Variants in DDX42 observed in about 807,000 individuals in gnomAD.
The protein encoded by DDX42 is DEAD-box helicase 42.
DDX42 carries 22 observed loss-of-function variants against 101.5 expected under a neutral mutation model. The ratio of observed to expected loss-of-function variants is 0.22; its 90% confidence interval spans 0.15 to 0.31. The LOEUF (loss-of-function observed/expected upper bound fraction) is 0.31. DDX42 is among the 10% of genes least tolerant of loss of function. The pLI, the probability that DDX42 is intolerant of heterozygous loss-of-function variation, is 1.00. For synonymous variants in DDX42, 402 were observed against 401.2 expected (o/e 1.00, Z -0.02); for missense variants, 849 against 1,199.9 (o/e 0.71, Z 4.32).
chr17:63,812,062 A>G lies in DDX42; in HGVS notation c.1529A>G (p.Asn510Ser), dbSNP rs2039916935. The G allele has an allele frequency of 1.2e-6, 2 of 1,614,246 alleles. No individual in the cohort carries two copies. The highest frequency in any genetic ancestry group is 1.7e-6 in the Non-Finnish European group (2 of 1,180,050). Residue 510 changes from asparagine (N) to serine (S), a missense_variant, in exon 14 of 18, where the codon AAT becomes AGT. Physicochemically the swap from Asn to Ser is conservative, Grantham distance 46 (BLOSUM62 1). Coordinates refer to ENST00000389924, the MANE Select transcript of DDX42 (RefSeq NM_203499.3). ...SVLLFVTKKA[N>S]AEELANNLKQ... ...CTCCTCTTTGTTACTAAAAAAGCCA[A>G]TGCTGAAGAGCTAGCGAATAACCTT...
At chr17:63,781,905 G>A (rs1480413007) in intron 1 of DDX42, among the ~76,000 whole-genome samples, 1 of 152,174 alleles carries the variant, frequency 6.6e-6, no homozygotes, top group Admixed American at 6.5e-5. Flanking sequence ...AGCTACTGGG[G>A]AGGCTGAGGC....
chr17:63,810,929 TC>T, intron 12 of DDX42, 146 bp from the exon 13 acceptor site: 1 of 651,220 alleles, frequency 1.5e-6, no homozygotes, highest in Non-Finnish European at 2.6e-6. Flanking sequence ...AGCAAATCTT[TC>T]CCTAGTGAAT....
chr17:63,786,791 C>T (rs756505726), intron 1 of DDX42, among the ~76,000 whole-genome samples: 17 of 152,238 alleles, frequency 1.1e-4, no homozygotes, highest in Admixed American at 4.6e-4. Context: ...GATTCTTATG[C>T]CTCAGCCTCC....
Position 63,802,892 on chromosome 17 carries a change from A to AC in DDX42, c.622-2179_622-2178insC. 2.0e-5 allele frequency among the ~76,000 whole-genome samples: 3 copies of AC among 147,090 alleles called. No individual in the cohort carries two copies. In the Admixed American group the frequency reaches 2.0e-4, roughly 10 times the overall value. On this transcript the variant is annotated intron_variant, in intron 6 of 17. Transcript: ENST00000389924. ...GCCATTGCACTCCAGCCTGGGCAATAAGAACAACACTCCATCTCAAAAAAA... is the reference window on the plus strand; with the variant it reads ...GCCATTGCACTCCAGCCTGGGCAATACAGAACAACACTCCATCTCAAAAAAA...
intron 1 of DDX42, among the ~76,000 whole-genome samples, chr17:63,780,674 A>C (rs1255260949): frequency 6.6e-6 from 1 of 152,174 alleles, no homozygotes; most frequent in African/African-American, 2.4e-5. Flanking sequence ...TAGGGAAAGG[A>C]TCGCTTTTCC....
chr17:63,774,469 C>G (rs2039390379), intron 1 of DDX42, 93 bp downstream of exon 1: 1 of 198,468 alleles, frequency 5.0e-6, no homozygotes, highest in African/African-American at 2.4e-5. Flanking sequence ...GAACCGCGGC[C>G]TCGCTTAACA....
chr17:63,809,555 T>G lies in DDX42; in HGVS notation c.1153-5T>G. 6.2e-7 allele frequency: 1 copy of G among 1,612,138 alleles called. No individual in the cohort carries two copies. The highest frequency in any genetic ancestry group is 8.5e-7 in the Non-Finnish European group (1 of 1,178,224). The stretch of plus-strand genomic sequence containing the variant: ...TACTTACTGTTCATTTTGTTGATCT[T>G]ATAGGGTCGACTGATAGATCATGTG... On this transcript the variant is annotated splice_polypyrimidine_tract_variant and splice_region_variant and intron_variant, in intron 10 of 17. Coordinates refer to ENST00000389924, the MANE Select transcript of DDX42 (RefSeq NM_203499.3).
chr17:63,786,908 C>T (rs2039553992), intron 1 of DDX42, 126 bp from the exon 2 acceptor site: 1 of 867,708 alleles, frequency 1.2e-6, no homozygotes, highest in Non-Finnish European at 1.8e-6. Flanking sequence ...GAACTCCTGA[C>T]CTCATGGTCC....
At chr17:63,805,878 A>T (rs1227042553) in intron 7 of DDX42, 2 of 152,190 alleles carry the variant, frequency 1.3e-5, no homozygotes, top group Non-Finnish European at 2.9e-5. Flanking sequence ...CCCAAGAAAA[A>T]TTTTAAGTAA....
At chr17:63,791,011 A>G (rs9907702) in intron 2 of DDX42, among the ~76,000 whole-genome samples, 2,251 of 152,364 alleles carry the variant, frequency 0.015, 60 homozygotes, top group African/African-American at 0.051. Flanking sequence ...GTGTGTATAT[A>G]TATGTATGCA....
intron 2 of DDX42, among the ~76,000 whole-genome samples, chr17:63,789,828 C>T (rs1199372195): frequency 6.6e-6 from 1 of 152,112 alleles, no homozygotes; most frequent in Non-Finnish European, 1.5e-5. Flanking sequence ...CTGCCTCGGC[C>T]TCCCAAAGTG....
rs2040010911 is a variant in DDX42, at chr17:63,818,670, A to G, written c.*272A>G. 5.0e-6 allele frequency: 2 copies of G among 396,524 alleles called. No homozygotes were observed. The allele number at this position is 396,524 out of a possible 1,614,324, so 24.6% of individuals were successfully genotyped here. On this transcript the variant is annotated 3_prime_UTR_variant, in exon 18 of 18. Transcript: ENST00000389924. ...GGGTAAGTTGAGGTTATCTTGGGAT[A>G]AAGGGTCTTCTAGGGCACAAAACTC...
At chr17:63,799,446 T>C in intron 4 of DDX42, 143 bp from the exon 5 acceptor site, 1 of 780,190 alleles carries the variant, frequency 1.3e-6, no homozygotes, top group Non-Finnish European at 2.1e-6. Context: ...GTGGATAGTT[T>C]ATAGTGTGCT....
chr17:63,817,068 T>C, intron 17 of DDX42, 102 bp downstream of exon 17: 1 of 932,428 alleles, frequency 1.1e-6, no homozygotes, highest in Non-Finnish European at 1.7e-6. Flanking sequence ...CTAGGCTTGA[T>C]GCTAGATTTA....
At chr17:63,810,926 C>A in intron 12 of DDX42, 150 bp from the exon 13 acceptor site, 2 of 649,074 alleles carry the variant, frequency 3.1e-6, no homozygotes, top group Non-Finnish European at 2.6e-6. Context: ...AAGAGCAAAT[C>A]TTTCCCTAGT....
chr17:63,785,602 T>TAAA (rs35420075), intron 1 of DDX42, among the ~76,000 whole-genome samples: 4 of 140,170 alleles, frequency 2.9e-5, no homozygotes, highest in African/African-American at 1.1e-4. Flanking sequence ...CCCTGTTCCT[T>TAAA]AAAAAAAAAA....
chr17:63,792,341 TG>T, intron 2 of DDX42, 70 bp from the exon 3 acceptor site: 1 of 1,495,182 alleles, frequency 6.7e-7, no homozygotes, highest in South Asian at 1.3e-5. Context: ...ATAATAAAAA[TG>T]TTGTTAAATG....
At chr17:63,811,695 TAAGGA>T in intron 13 of DDX42, 1 of 594,528 alleles carries the variant, frequency 1.7e-6, no homozygotes, top group Non-Finnish European at 3.0e-6. Context: ...TGGTTATTGT[TAAGGA>T]AAGCTCTACA....
intron 13 of DDX42, 133 bp from the exon 14 acceptor site, chr17:63,811,799 T>G (rs1427891197): frequency 8.3e-7 from 1 of 1,211,532 alleles, no homozygotes; most frequent in Non-Finnish European, 1.2e-6. Flanking sequence ...TGCACTTGAC[T>G]TGCTGAAGGC....
Sources: gnomAD v4.1 joint callset for allele counts (sites outside exome capture counted in the v4.1 genomes callset) on GRCh38, gnomAD v4.1.1 for gene constraint, MANE v1.5 for transcripts, NCBI Gene and HGNC (gene_info 2026-07-23, HGNC 2026-07-21) for gene names.